Variants in PSCA observed in about 807,000 individuals in gnomAD.
PSCA encodes the protein prostate stem cell antigen.
PSCA carries 7 observed loss-of-function variants against 7.9 expected under a neutral mutation model. The observed-to-expected ratio is 0.89, with a 90% confidence interval of 0.51 to 1.67. The LOEUF (loss-of-function observed/expected upper bound fraction) is 1.67. Among genes scored for constraint, PSCA ranks in the 40% most tolerant of loss-of-function variants. The pLI, the probability that PSCA is intolerant of heterozygous loss-of-function variation, is 0.00. For missense variants in PSCA, 151 were observed against 147.9 expected (o/e 1.02, Z -0.11); for synonymous variants, 61 against 68.3 (o/e 0.89, Z 0.53).
intron 1 of PSCA, among the ~76,000 whole-genome samples, chr8:142,674,976 C>T (rs1554637705): frequency 6.6e-6 from 1 of 152,270 alleles, no homozygotes; most frequent in Admixed American, 6.5e-5. Context: ...ATGGGTCATC[C>T]CCCGTGCCTG....
At chr8:142,681,306 C>A (rs2976391) in intron 1 of PSCA, 21 bp from the exon 2 acceptor site, 706,539 of 1,538,732 alleles carry the variant, frequency 0.46, 164,741 homozygotes, top group Non-Finnish European at 0.48. Context: ...CCTCTGAGGC[C>A]CCTCCCACTC....
Position 142,682,040 on chromosome 8 carries a change from G to T in PSCA, c.253G>T (p.Ala85Ser). ...GTGCTGTGACACCGACTTGTGCAAC[G>T]CCAGCGGGGCCCATGCCCTGCAGCC... ...ITCCDTDLCN[A>S]SGAHALQPAA... is the part of the protein sequence containing the mutation. The change falls in exon 3 of 3, where the codon GCC (alanine) becomes TCC (serine). Residue 85 changes from alanine to serine, a missense_variant. Transcript: ENST00000301258. The T allele has an allele frequency of 6.2e-7, 1 of 1,612,332 alleles. No individual in the cohort carries two copies.
At chr8:142,676,318 T>G (rs2129861574), upstream of PSCA, 1 of 152,440 alleles carries the variant, frequency 6.6e-6, no homozygotes, top group Non-Finnish European at 1.5e-5. Context: ...TAGAGTCAGA[T>G]GTTTCACAGT....
intron 1 of PSCA, among the ~76,000 whole-genome samples, chr8:142,675,362 T>G (rs957787377): frequency 6.6e-6 from 1 of 152,110 alleles, no homozygotes; most frequent in Non-Finnish European, 1.5e-5. Flanking sequence ...GGCAGGGCCC[T>G]GATGACGCCT....
intron 1 of PSCA, among the ~76,000 whole-genome samples, chr8:142,672,279 C>CCCT (rs1554637446): frequency 7.2e-6 from 1 of 138,332 alleles, no homozygotes; most frequent in Non-Finnish European, 1.7e-5. Flanking sequence ...CTGCCCTCCC[C>CCCT]AATCCACACC....
At position 142,681,406 on chromosome 8, in the gene PSCA, G is replaced by A. The variant is rs782728890; in HGVS notation, c.105G>A (p.Leu35=). 1.9e-6 allele frequency: 3 copies of A among 1,593,528 alleles called. No individual in the cohort carries two copies. Among genetic ancestry groups the A allele is most frequent in the Non-Finnish European group, 2.6e-6 (3 of 1,170,324 alleles). Residue 35 remains leucine, a synonymous_variant, in exon 2 of 3, where the codon CTG becomes CTA. Transcript: ENST00000301258. Reference sequence around the variant, plus strand: ...TGCAGGTGGAGAACTGCACCCAGCTGGGGGAGCAGTGCTGGACCGCGCGCA... The same window carrying A: ...TGCAGGTGGAGAACTGCACCCAGCTAGGGGAGCAGTGCTGGACCGCGCGCA... ...DCLQVENCTQ[L]GEQCWTARIR...
At position 142,673,628 on chromosome 8, in the gene PSCA, G is replaced by C. The variant is rs782577993; in HGVS notation, n.261+3060G>C. 1.3e-4 allele frequency among the ~76,000 whole-genome samples: 20 copies of C among 152,292 alleles called. No homozygotes were observed. The highest frequency in any genetic ancestry group is 4.8e-4 in the African/African-American group (20 of 41,556). ...AGCCTCTCAGAAAATTCGGACGCTA[G>C]GGTTTTTCAAGGAGAGTCTGGTGGG... On this transcript the variant is annotated intron_variant and non_coding_transcript_variant, in intron 1 of 1. Coordinates refer to the PSCA transcript ENST00000505305. This position sits in a 1 kb window ranked among gnomAD's most constrained non-coding sequence, Gnocchi z 4.6.
chr8:142,671,762 G>C (rs1847332046), intron 1 of PSCA, among the ~76,000 whole-genome samples: 1 of 152,094 alleles, frequency 6.6e-6, no homozygotes, highest in Admixed American at 6.5e-5. Context: ...TGCCTAGGCT[G>C]GTCTCGAGCT....
At position 142,674,287 on chromosome 8, in the gene PSCA, G is replaced by A. The variant is rs951752174; in HGVS notation, n.261+3719G>A. ...ATCCCCCATCTTCCTAATGAATAAC[G>A]GCTGGGAATCGTTTCAGTCTAACCT... On this transcript the variant is annotated intron_variant and non_coding_transcript_variant, in intron 1 of 1. Transcript: ENST00000505305. 6.3e-5 allele frequency among the ~76,000 whole-genome samples: 9 copies of A among 143,900 alleles called. No individual in the cohort carries two copies. The South Asian group carries it at 1.8e-3, about 29-fold the overall frequency. 94.4% of individuals were successfully genotyped at this position (143,900 alleles called of 152,430 possible). A position where few individuals can be genotyped will look rare whatever the true frequency, so the allele number is the denominator to read the frequency against.
Position 142,673,702 on chromosome 8 carries a change from C to T in PSCA, n.261+3134C>T, listed in dbSNP as rs1362526431. 2.0e-5 allele frequency among the ~76,000 whole-genome samples: 3 copies of T among 152,190 alleles called. No homozygotes were observed. Among genetic ancestry groups the T allele is most frequent in the Admixed American group, 2.0e-4 (3 of 15,282 alleles). On this transcript the variant is annotated intron_variant and non_coding_transcript_variant, in intron 1 of 1. Coordinates refer to the PSCA transcript ENST00000505305. This position sits in a 1 kb window ranked among gnomAD's most constrained non-coding sequence, Gnocchi z 4.6. ...GGCTGGGGATGTGGAAAATGGTCCTCCTGTGCACTGAGTTTGCGTCCAGGT... is the reference window on the plus strand; with the variant it reads ...GGCTGGGGATGTGGAAAATGGTCCTTCTGTGCACTGAGTTTGCGTCCAGGT...
chr8:142,674,076 C>T (rs1327752468), intron 1 of PSCA, among the ~76,000 whole-genome samples: 4 of 142,638 alleles, frequency 2.8e-5, no homozygotes, highest in African/African-American at 1.1e-4. Flanking sequence ...CAGATCCCCT[C>T]ATCTTCCTAA....
chr8:142,681,236 C>T (rs1215264752), intron 1 of PSCA, 91 bp from the exon 2 acceptor site: 3 of 959,850 alleles, frequency 3.1e-6, no homozygotes, highest in African/African-American at 3.2e-5. Flanking sequence ...TTCCTCAGGC[C>T]ACCGCCATGG....
chr8:142,677,950 G>A (rs781385685), upstream of PSCA, among the ~76,000 whole-genome samples: 4 of 152,150 alleles, frequency 2.6e-5, no homozygotes, highest in Non-Finnish European at 5.9e-5. Flanking sequence ...CCCGGGGGAA[G>A]CCCAAAGGCA....
rs781993731 is a variant in PSCA, at chr8:142,682,276, CT to C, written c.*145del. ...AGTCTGACCATGTATGTCTGCGCCC[CT>C]GTCCCCCACCCTGACCCTCCCATGG... is the stretch of plus-strand genomic sequence containing the variant. On this transcript the variant is annotated 3_prime_UTR_variant, in exon 3 of 3. Coordinates refer to ENST00000301258, the MANE Select transcript of PSCA (RefSeq NM_005672.5). 8.0e-6 allele frequency: 8 copies of C among 1,004,800 alleles called. 1 individual carries two copies. The South Asian group carries it at 9.6e-5, about 12-fold the overall frequency. The allele number at this position is 1,004,800 out of a possible 1,614,324, so 62.2% of individuals were successfully genotyped here.
At chr8:142,681,050 T>C in intron 1 of PSCA, 1 of 490,862 alleles carries the variant, frequency 2.0e-6, no homozygotes, top group South Asian at 2.3e-5. Flanking sequence ...GGTGGGACCC[T>C]CCCGACCCAG....
Position 142,682,010 on chromosome 8 carries a change from A to G in PSCA, c.223A>G (p.Ile75Val). The G allele has an allele frequency of 6.2e-7, 1 of 1,613,206 alleles. No homozygotes were observed. The highest frequency in any genetic ancestry group is 8.5e-7 in the Non-Finnish European group (1 of 1,179,728). ...GGACTACTACGTGGGCAAGAAGAAC[A>G]TCACGTGCTGTGACACCGACTTGTG... ...SQDYYVGKKNITCCDTDLCNA... is the reference protein window; with the variant it reads ...SQDYYVGKKNVTCCDTDLCNA... Residue 75 changes from isoleucine to valine, a missense_variant, in exon 3 of 3, where the codon ATC (isoleucine) becomes GTC (valine). Coordinates refer to ENST00000301258, the MANE Select transcript of PSCA (RefSeq NM_005672.5).
intron 1 of PSCA, among the ~76,000 whole-genome samples, chr8:142,671,670 A>C (rs1477057643): frequency 6.6e-6 from 1 of 150,700 alleles, no homozygotes; most frequent in Non-Finnish European, 1.5e-5. Flanking sequence ...TCCTGCCTCA[A>C]CCCCCAGAGT....
rs1814668863 is a variant in PSCA, at chr8:142,682,403, A to C, written c.*271A>C. On this transcript the variant is annotated 3_prime_UTR_variant, in exon 3 of 3. Coordinates refer to ENST00000301258, the MANE Select transcript of PSCA (RefSeq NM_005672.5). Reference sequence around the variant, plus strand: ...TCTGCTGCTGTTTCCATGGCCCAGCATTCTCCACCCTTAACCCTGTGCTCA... The same window carrying C: ...TCTGCTGCTGTTTCCATGGCCCAGCCTTCTCCACCCTTAACCCTGTGCTCA... The C allele has an allele frequency of 2.9e-6, 2 of 688,028 alleles. No individual in the cohort carries two copies. Among genetic ancestry groups the C allele is most frequent in the South Asian group, 3.0e-5 (2 of 66,638 alleles). The allele number at this position is 688,028 out of a possible 1,614,324, so 42.6% of individuals were successfully genotyped here. A position where few individuals can be genotyped will look rare whatever the true frequency, so the allele number is the denominator to read the frequency against.
At chr8:142,674,156 A>G (rs1847368656) in intron 1 of PSCA, among the ~76,000 whole-genome samples, 1 of 149,876 alleles carries the variant, frequency 6.7e-6, no homozygotes, top group Non-Finnish European at 1.5e-5. Context: ...CCTAATGAAT[A>G]ACGGCTGGGA....
Sources: allele counts gnomAD v4.1 joint callset (sites outside exome capture counted in the v4.1 genomes callset), GRCh38; gene constraint gnomAD v4.1.1; non-coding constraint Gnocchi (gnomAD v3.1); transcripts MANE v1.5; gene names NCBI Gene and HGNC (gene_info 2026-07-23, HGNC 2026-07-21).